Variants in PDGFRA observed in about 807,000 individuals in gnomAD.
The protein encoded by PDGFRA is platelet-derived growth factor receptor alpha.
In PDGFRA, 25 loss-of-function variants were observed where a neutral mutation model predicts 121.5. The ratio of observed to expected loss-of-function variants is 0.21; its 90% CI spans 0.15 to 0.29. PDGFRA has a LOEUF of 0.29. Among genes scored for constraint, PDGFRA ranks in the 10% least tolerant of loss-of-function variants. The pLI is 1.00. For synonymous variants in PDGFRA, 463 were observed against 494.8 expected (o/e 0.94, Z 0.85); for missense variants, 1,008 against 1,345.1 (o/e 0.75, Z 3.92).
rs147932817 is a variant in PDGFRA at position 54,292,772 on chromosome 4, C to T, written c.3122+2218C>T. On this transcript the variant is annotated intron_variant, in intron 22 of 22. Transcript: ENST00000257290. ...GGTCACTATCCTTAGCAAACTAATACGGGAACAGAAGACCAGATACCGCAT... is the reference window on the plus strand; with the variant it reads ...GGTCACTATCCTTAGCAAACTAATATGGGAACAGAAGACCAGATACCGCAT... Among the ~76,000 whole-genome samples, 740 of 152,112 alleles carry T rather than the reference C, an allele frequency of 4.9e-3. 14 individuals carry two copies. The highest frequency in any genetic ancestry group is 0.029 in the Admixed American group (449 of 15,264).
chr4:54,261,488 A>C (rs1168413143), intron 3 of PDGFRA, 76 bp downstream of exon 3: 2 of 817,440 alleles, frequency 2.4e-6, no homozygotes, highest in East Asian at 2.7e-5. Flanking sequence ...GGTTTTAAAC[A>C]TATATATAAA....
intron 1 of PDGFRA, among the ~76,000 whole-genome samples, chr4:54,234,175 T>TGATGATGGG (rs975026687): frequency 1.3e-5 from 2 of 152,128 alleles, no homozygotes; most frequent in Non-Finnish European, 2.9e-5. Flanking sequence ...GTGATGGGGA[T>TGATGATGGG]GATGATGGGG....
chr4:54,268,076 C>T (rs1051460491), intron 7 of PDGFRA, among the ~76,000 whole-genome samples: 1 of 152,180 alleles, frequency 6.6e-6, no homozygotes, highest in Admixed American at 6.5e-5. Context: ...TGTTCATCAT[C>T]CATATCGCAA....
At chr4:54,288,137 T>G (rs552792129) in intron 19 of PDGFRA, among the ~76,000 whole-genome samples, 2 of 152,164 alleles carry the variant, frequency 1.3e-5, no homozygotes, top group Non-Finnish European at 2.9e-5. Context: ...TGCTGCTGAT[T>G]TAAAATTGTA....
At chr4:54,245,502 C>A (rs1180018881) in intron 1 of PDGFRA, among the ~76,000 whole-genome samples, 13 of 152,152 alleles carry the variant, frequency 8.5e-5, no homozygotes, top group Non-Finnish European at 2.9e-5. Context: ...ACTTTACAGA[C>A]AAGCAAATGC....
chr4:54,256,201 A>G (rs539565483), intron 1 of PDGFRA, among the ~76,000 whole-genome samples: 5 of 152,178 alleles, frequency 3.3e-5, no homozygotes, highest in South Asian at 2.1e-4. Context: ...TGGGCAACAT[A>G]GTGAGACCTC....
intron 3 of PDGFRA, among the ~76,000 whole-genome samples, chr4:54,261,931 A>ATTTTT (rs34880395): frequency 2.9e-4 from 17 of 58,414 alleles, no homozygotes; most frequent in South Asian, 6.5e-4. Context: ...ATATATATAT[A>ATTTTT]TTTTTTTTTT....
At chr4:54,284,879 CTTTT>C (rs5858264) in intron 16 of PDGFRA, among the ~76,000 whole-genome samples, 1 of 101,248 alleles carries the variant, frequency 9.9e-6, no homozygotes, top group African/African-American at 3.9e-5. Flanking sequence ...TTCTTTCTAT[CTTTT>C]TTTTTTTTTT....
chr4:54,278,453 A>G lies in PDGFRA; in HGVS notation c.2094A>G (p.Pro698=), dbSNP rs1577732087. 6.2e-7 allele frequency: 1 copy of G among 1,614,036 alleles called. No homozygotes were observed. Among genetic ancestry groups the G allele is most frequent in the Non-Finnish European group, 8.5e-7 (1 of 1,179,914 alleles). The change falls in exon 15 of 23, where the codon CCA becomes CCG. Residue 698 remains proline (P), a synonymous_variant. Coordinates refer to ENST00000257290, the MANE Select transcript of PDGFRA (RefSeq NM_006206.6). ...GGGATAGCTTCCTGAGCCACCACCC[A>G]GAGAAGCCAAAGAAAGAGCTGGATA... ...KNRDSFLSHH[P]EKPKKELDIF...
chr4:54,261,901 AT>A (rs1420981873), intron 3 of PDGFRA, among the ~76,000 whole-genome samples: 42 of 61,814 alleles, frequency 6.8e-4, no homozygotes, highest in African/African-American at 3.2e-3. Context: ...AAAGTTACAT[AT>A]ATATATATAT....
At position 54,276,382 on chromosome 4, in the gene PDGFRA, G is replaced by A. The variant is rs191194920; in HGVS notation, c.1787-1006G>A. The stretch of plus-strand genomic sequence containing the variant: ...AGGTCTCCCGTACAGCTGGCTCTGT[G>A]TGAATTAAACCCTTTTTCTATTGCA... On this transcript the variant is annotated intron_variant, in intron 12 of 22. Coordinates refer to ENST00000257290, the MANE Select transcript of PDGFRA (RefSeq NM_006206.6). Among the ~76,000 whole-genome samples the A allele has an allele frequency of 3.1e-4, 47 of 152,260 alleles. No individual in the cohort carries two copies. The South Asian group carries it at 3.7e-3, about 12-fold the overall frequency.
chr4:54,287,003 T>C (rs1724394531), intron 18 of PDGFRA, among the ~76,000 whole-genome samples: 1 of 152,112 alleles, frequency 6.6e-6, no homozygotes, highest in South Asian at 2.1e-4. Flanking sequence ...GAGAAAGACA[T>C]GGGCCTGCAT....
intron 1 of PDGFRA, among the ~76,000 whole-genome samples, chr4:54,250,995 G>T (rs759855334): frequency 1.3e-5 from 2 of 150,968 alleles, no homozygotes; most frequent in African/African-American, 2.4e-5. Context: ...AACCTGGGAG[G>T]CAGAGGTTGC....
rs998094707 is a variant in PDGFRA, at chr4:54,297,520, C to T, written c.*2248C>T. On this transcript the variant is annotated 3_prime_UTR_variant, in exon 23 of 23. Coordinates refer to ENST00000257290, the MANE Select transcript of PDGFRA (RefSeq NM_006206.6). ...TATCGCTCACTCTCCCTTGTACAGC[C>T]TTATTTTGTTGGTGCTTTGCATTTT... 5 of 233,540 alleles carry T rather than the reference C, an allele frequency of 2.1e-5. No homozygotes were observed. The highest frequency in any genetic ancestry group is 4.2e-5 in the Non-Finnish European group (5 of 118,068). 14.5% of individuals were successfully genotyped at this position (233,540 alleles called of 1,614,324 possible).
At chr4:54,231,000 G>A (rs1042406476) in intron 1 of PDGFRA, among the ~76,000 whole-genome samples, 2 of 152,254 alleles carry the variant, frequency 1.3e-5, no homozygotes, top group Admixed American at 1.3e-4. Flanking sequence ...AGGGAGCCAG[G>A]AGCCTGGGCC....
At chr4:54,249,345 T>G (rs900187236) in intron 1 of PDGFRA, among the ~76,000 whole-genome samples, 37 of 152,318 alleles carry the variant, frequency 2.4e-4, no homozygotes, top group African/African-American at 8.7e-4. Flanking sequence ...GTATGTTTAT[T>G]GCGGCACTAT....
At chr4:54,254,429 A>AT (rs1423220163) in intron 1 of PDGFRA, among the ~76,000 whole-genome samples, 1 of 152,124 alleles carries the variant, frequency 6.6e-6, no homozygotes, top group Non-Finnish European at 1.5e-5. Flanking sequence ...CCCACTTTAT[A>AT]TGTCAGTAAA....
chr4:54,243,889 A>C (rs946424886), intron 1 of PDGFRA, among the ~76,000 whole-genome samples: 1 of 152,168 alleles, frequency 6.6e-6, no homozygotes, highest in Non-Finnish European at 1.5e-5. Flanking sequence ...GACGGGCTTA[A>C]AAAAAGGCAC....
chr4:54,265,200 G>A, intron 5 of PDGFRA, 151 bp downstream of exon 5: 1 of 730,568 alleles, frequency 1.4e-6, no homozygotes, highest in Non-Finnish European at 2.4e-6. Context: ...TTGATTAAAT[G>A]GCCTTTAGGA....
Sources: gnomAD v4.1 joint callset for allele counts (sites outside exome capture counted in the v4.1 genomes callset) on GRCh38, gnomAD v4.1.1 for gene constraint, MANE v1.5 for transcripts, NCBI Gene and HGNC (gene_info 2026-07-23, HGNC 2026-07-21) for gene names.